CD300A: variants seen among roughly 807,000 people sequenced by gnomAD.
The protein encoded by CD300A is CD300a molecule, also known as CMRF35-like molecule 8.
Under a neutral mutation model 33.6 loss-of-function variants are expected in CD300A, and 22 were observed. That is an observed-to-expected ratio of 0.66 (90% CI 0.47 to 0.94). The LOEUF is 0.94. CD300A is among the 40% of genes least tolerant of loss of function. CD300A has a pLI of 0.00. For missense variants in CD300A, 326 were observed against 360.5 expected, an observed-to-expected ratio of 0.90 and a Z score of 0.77; for synonymous variants, 136 against 148.1, an observed-to-expected ratio of 0.92 and a Z score of 0.59.
intron 1 of CD300A, among the ~76,000 whole-genome samples, chr17:74,468,223 G>A (rs545584455): frequency 2.2e-4 from 34 of 152,036 alleles, no homozygotes; most frequent in Non-Finnish European, 3.7e-4. Flanking sequence ...TAGTAGAGAT[G>A]GGCTTTCTCC....
At chr17:74,476,595 G>T (rs1906477033) in intron 3 of CD300A, among the ~76,000 whole-genome samples, 1 of 152,214 alleles carries the variant, frequency 6.6e-6, no homozygotes, top group African/African-American at 2.4e-5. Context: ...CCAAGCAATG[G>T]AGGGACCTGA....
intron 5 of CD300A, 55 bp from the exon 6 acceptor site, chr17:74,481,671 G>T: frequency 1.6e-6 from 2 of 1,287,382 alleles, no homozygotes; most frequent in Non-Finnish European, 1.1e-6. Flanking sequence ...AGAGACGCAG[G>T]GACAGAGGCT....
intron 2 of CD300A, 106 bp downstream of exon 2, chr17:74,473,980 A>AAG: frequency 3.5e-5 from 44 of 1,246,270 alleles, no homozygotes; most frequent in South Asian, 4.5e-5. Context: ...GTGTGTGCGT[A>AAG]AGAGAGAGAG....
chr17:74,468,965 A>G (rs879895994), intron 1 of CD300A, among the ~76,000 whole-genome samples: 10 of 152,156 alleles, frequency 6.6e-5, no homozygotes, highest in Admixed American at 5.9e-4. Context: ...TATTATTATT[A>G]TTATCCTTTC....
chr17:74,481,791 G>T lies in CD300A; in HGVS notation c.732G>T (p.Lys244Asn), dbSNP rs552685249. ...LELLMWPLQE[K>N]PAPPREVEVE... ...TGCTGATGTGGCCTCTGCAGGAAAA[G>T]CCAGCACCACCAAGGGAGGTGGAGG... The change falls in exon 6 of 7, where the codon AAG becomes AAT. Residue 244 changes from lysine to asparagine, a missense_variant. Physicochemically the swap from Lys to Asn is moderately conservative, Grantham distance 94. Coordinates refer to ENST00000360141, the MANE Select transcript of CD300A (RefSeq NM_007261.4). 2 of 1,613,188 alleles carry T rather than the reference G, an allele frequency of 1.2e-6. No individual in the cohort carries two copies. Among genetic ancestry groups the T allele is most frequent in the Non-Finnish European group, 1.7e-6 (2 of 1,179,816 alleles).
chr17:74,482,697 CCTTTCTTTCTTTCTTTCTTTCTTTCTTT>C (rs146984765), intron 6 of CD300A, among the ~76,000 whole-genome samples: 24 of 130,240 alleles, frequency 1.8e-4, no homozygotes, highest in East Asian at 8.3e-4. Flanking sequence ...TTCCTTCCTT[CCTTTCTTTCTTTCTTTCTTTCTTTCTTT>C]CTTTCTTTGG....
upstream of CD300A, chr17:74,466,603 C>G: frequency 7.5e-7 from 1 of 1,340,702 alleles, no homozygotes; most frequent in Non-Finnish European, 1.0e-6. Flanking sequence ...AGCGCGGCAC[C>G]AAGAAAAGCA....
chr17:74,473,480 CACCCCTG>C, intron 1 of CD300A, 49 bp from the exon 2 acceptor site: 1 of 1,537,748 alleles, frequency 6.5e-7, no homozygotes, highest in Non-Finnish European at 8.8e-7. Flanking sequence ...GACCCCAGGG[CACCCCTG>C]ACCAGGCTCA....
At chr17:74,474,406 C>T (rs1413945302) in intron 2 of CD300A, 126 bp from the exon 3 acceptor site, 2 of 931,984 alleles carry the variant, frequency 2.1e-6, no homozygotes, top group South Asian at 1.5e-5. Flanking sequence ...ACTCTAGCCC[C>T]AGGGTCCTGC....
At chr17:74,470,830 G>T (rs1906050436) in intron 1 of CD300A, among the ~76,000 whole-genome samples, 2 of 149,072 alleles carry the variant, frequency 1.3e-5, no homozygotes, top group African/African-American at 2.5e-5. Context: ...TTGTGTTTTT[G>T]GTAGAGATGG....
Position 74,466,647 on chromosome 17 carries a change from C to T in CD300A, c.-57C>T, listed in dbSNP as rs150930497. On this transcript the variant is annotated 5_prime_UTR_variant, in exon 1 of 7. Coordinates refer to ENST00000360141, the MANE Select transcript of CD300A (RefSeq NM_007261.4). ...GGCCTTGGAGGCGTGACTTTCCCCT[C>T]GGGTCCAGGTAGGGCCTGGAGCTGC... The T allele has an allele frequency of 6.9e-5, 107 of 1,553,552 alleles. No homozygotes were observed. In the African/African-American group the frequency reaches 1.0e-3, roughly 15 times the overall value.
chr17:74,481,890 C>A, intron 6 of CD300A, 57 bp downstream of exon 6: 1 of 1,353,306 alleles, frequency 7.4e-7, no homozygotes, highest in East Asian at 2.4e-5. Context: ...CCAGGGCACC[C>A]CTGGGAGGGT....
At chr17:74,476,966 C>T (rs937638294) in intron 3 of CD300A, among the ~76,000 whole-genome samples, 6 of 150,788 alleles carry the variant, frequency 4.0e-5, no homozygotes, top group African/African-American at 7.3e-5. Context: ...AAGAACAGCA[C>T]GTGTGTGTAT....
chr17:74,468,711 C>CAGGGCG (rs1905893565), intron 1 of CD300A, among the ~76,000 whole-genome samples: 1 of 152,122 alleles, frequency 6.6e-6, no homozygotes, highest in Non-Finnish European at 1.5e-5. Context: ...GGCTGGAGTG[C>CAGGGCG]AGTGGCTTGA....
upstream of CD300A, chr17:74,466,386 G>A (rs1305011736): frequency 3.1e-6 from 1 of 326,580 alleles, no homozygotes; most frequent in Admixed American, 4.6e-5. Context: ...GGAGACCCGG[G>A]GAAGTGAGAG....
chr17:74,483,786 C>T (rs1241137906), intron 6 of CD300A, among the ~76,000 whole-genome samples: 2 of 152,184 alleles, frequency 1.3e-5, no homozygotes, highest in African/African-American at 4.8e-5. Context: ...GAGCCTCCTG[C>T]CTCTGATGCT....
chr17:74,474,592 C>T lies in CD300A; in HGVS notation c.440C>T (p.Ala147Val). 1 of 1,614,206 alleles carries T rather than the reference C, an allele frequency of 6.2e-7. No homozygotes were observed. Among genetic ancestry groups the T allele is most frequent in the African/African-American group, 1.3e-5 (1 of 75,074 alleles). Residue 147 changes from alanine to valine, a missense_variant, in exon 3 of 7, where the codon GCA becomes GTA. Physicochemically the swap from Ala to Val is moderately conservative, Grantham distance 64. Transcript: ENST00000360141. Reference protein sequence around the residue: ...TAAKTSTITTAFPPVSSTTLF... With the variant: ...TAAKTSTITTVFPPVSSTTLF... ...GCCAAGACCTCAACAATCACAACTG[C>T]ATTTCCACCTGTATCATCCACTACC... is the stretch of plus-strand genomic sequence containing the variant.
Position 74,477,510 on chromosome 17 carries a change from T to C in CD300A, c.608T>C (p.Met203Thr). 6.2e-7 allele frequency: 1 copy of C among 1,613,120 alleles called. No homozygotes were observed. Among genetic ancestry groups the C allele is most frequent in the Non-Finnish European group, 8.5e-7 (1 of 1,179,760 alleles). ...GGGGCCTCCCTGCTAGCCTGGAGGA[T>C]GTTTCAGAAATGGATCAAAGGTGAG... ...LVGASLLAWRMFQKWIKAGDH... is the reference protein window; with the variant it reads ...LVGASLLAWRTFQKWIKAGDH... The change falls in exon 4 of 7, where the codon ATG (methionine) becomes ACG (threonine). Residue 203 changes from methionine (M) to threonine (T), a missense_variant. Met to Thr is a moderately conservative substitution (Grantham distance 81). Transcript: ENST00000360141.
chr17:74,469,858 C>T (rs1245873418), intron 1 of CD300A: 4 of 549,392 alleles, frequency 7.3e-6, no homozygotes, highest in Non-Finnish European at 9.2e-6. Context: ...AATCATTTAC[C>T]CCTTACAAAA....
Sources: gnomAD v4.1 joint callset for allele counts (sites outside exome capture counted in the v4.1 genomes callset) on GRCh38, gnomAD v4.1.1 for gene constraint, MANE v1.5 for transcripts, NCBI Gene and HGNC (gene_info 2026-07-23, HGNC 2026-07-21) for gene names.